Variants in ERC2 observed in about 807,000 individuals in gnomAD.
ERC2 encodes the protein ELKS/RAB6-interacting/CAST family member 2.
Under a neutral mutation model 114.8 loss-of-function variants are expected in ERC2, and 42 were observed. The ratio of observed to expected loss-of-function variants is 0.37; its 90% CI spans 0.29 to 0.47. The LOEUF is 0.47. Among genes scored for constraint, ERC2 ranks in the 20% least tolerant of loss-of-function variants. The pLI is 0.99. For synonymous variants in ERC2, 454 were observed against 425.5 expected (o/e 1.07, Z -0.82); for missense variants, 939 against 1,150.7 (o/e 0.82, Z 2.66).
At chr3:56,287,305 GA>G (rs2054786311) in intron 3 of ERC2, among the ~76,000 whole-genome samples, 1 of 152,192 alleles carries the variant, frequency 6.6e-6, no homozygotes, top group Non-Finnish European at 1.5e-5. Flanking sequence ...AGATATTCAA[GA>G]AGTTAAAAAA....
chr3:55,999,767 A>C (rs2071885790), intron 10 of ERC2, among the ~76,000 whole-genome samples: 1 of 151,698 alleles, frequency 6.6e-6, no homozygotes, highest in African/African-American at 2.4e-5. Flanking sequence ...TTATGAATGG[A>C]AAGAAATAAT....
chr3:55,821,154 G>A (rs2060107095), intron 14 of ERC2, among the ~76,000 whole-genome samples: 2 of 152,174 alleles, frequency 1.3e-5, no homozygotes, highest in South Asian at 4.1e-4. Flanking sequence ...CACATCAACT[G>A]AACAGTGAGA....
chr3:55,699,328 A>G, intron 16 of ERC2, 50 bp downstream of exon 16: 1 of 1,607,066 alleles, frequency 6.2e-7, no homozygotes, highest in South Asian at 1.1e-5. Context: ...TTATCTTAAA[A>G]TATCTAAAGG....
chr3:56,022,536 T>C (rs1337598510), intron 7 of ERC2, among the ~76,000 whole-genome samples: 1 of 152,188 alleles, frequency 6.6e-6, no homozygotes, highest in African/African-American at 2.4e-5. Flanking sequence ...CTGGAGAGAA[T>C]ATAAAATTCT....
chr3:56,362,816 T>C (rs1284987321), intron 2 of ERC2, among the ~76,000 whole-genome samples: 1 of 152,232 alleles, frequency 6.6e-6, no homozygotes, highest in African/African-American at 2.4e-5. Context: ...CTGGAAACTG[T>C]CCAATAGCTG....
In ERC2 at chr3:56,097,544, A is replaced by G. The variant is rs191819126; in HGVS notation, c.1474-16560T>C. On this transcript the variant is annotated intron_variant, in intron 6 of 17. Coordinates refer to ENST00000288221, the MANE Select transcript of ERC2 (RefSeq NM_015576.3). Reference sequence around the variant, plus strand: ...TTTACTGTGTAAGCATTGAGTCAACAATATTCTATTGTATTACTCTTGAGG... The same window carrying G: ...TTTACTGTGTAAGCATTGAGTCAACGATATTCTATTGTATTACTCTTGAGG... Among the ~76,000 whole-genome samples the G allele has an allele frequency of 7.2e-5, 11 of 152,224 alleles. No homozygotes were observed. The East Asian group carries it at 1.9e-3, about 27-fold the overall frequency.
intron 15 of ERC2, among the ~76,000 whole-genome samples, chr3:55,707,276 C>G (rs1200392516): frequency 1.3e-5 from 2 of 151,898 alleles, no homozygotes; most frequent in Non-Finnish European, 2.9e-5. Flanking sequence ...TCTACAAAAA[C>G]AAAATACAAA....
At chr3:55,583,491 CTCT>C (rs2057401328) in intron 17 of ERC2, among the ~76,000 whole-genome samples, 1 of 53,900 alleles carries the variant, frequency 1.9e-5, no homozygotes, top group Non-Finnish European at 3.6e-5. Context: ...CTCCATCCCT[CTCT>C]CCTTCCCTCC....
chr3:56,240,794 A>T (rs2051272513), intron 3 of ERC2, among the ~76,000 whole-genome samples: 1 of 152,246 alleles, frequency 6.6e-6, no homozygotes. Context: ...GAATAAATGG[A>T]AAAACGAATG....
At chr3:55,765,285 G>A (rs1023822433) in intron 14 of ERC2, among the ~76,000 whole-genome samples, 1 of 152,134 alleles carries the variant, frequency 6.6e-6, no homozygotes, top group Non-Finnish European at 1.5e-5. Context: ...TGAATAAAAG[G>A]AGACTTTTTT....
At chr3:55,636,618 CTG>C (rs993881533) in intron 17 of ERC2, among the ~76,000 whole-genome samples, 4 of 152,180 alleles carry the variant, frequency 2.6e-5, no homozygotes, top group African/African-American at 9.7e-5. Context: ...CAAACTTTTC[CTG>C]TAAGGAGCCA....
At chr3:56,413,169 C>A (rs895268268) in intron 2 of ERC2, among the ~76,000 whole-genome samples, 6 of 152,232 alleles carry the variant, frequency 3.9e-5, no homozygotes, top group Non-Finnish European at 8.8e-5. Flanking sequence ...TCACTCCAAG[C>A]TGCGGACCCG....
At position 55,942,266 on chromosome 3, in the gene ERC2, C is replaced by CTTTTTTTTTTTTTTTTT. The variant is rs56851837; in HGVS notation, c.2403+8142_2403+8158dup. Among the ~76,000 whole-genome samples, 23 of 42,112 alleles carry CTTTTTTTTTTTTTTTTT rather than the reference C, an allele frequency of 5.5e-4. 4 individuals carry two copies. The highest frequency in any genetic ancestry group is 1.6e-3 in the African/African-American group (19 of 11,866). 27.6% of individuals were successfully genotyped at this position (42,112 alleles called of 152,430 possible). On this transcript the variant is annotated intron_variant, in intron 13 of 17. Coordinates refer to ENST00000288221, the MANE Select transcript of ERC2 (RefSeq NM_015576.3). ...TATTAAATGAAGTCTAAGGTCCTTT[C>CTTTTTTTTTTTTTTTTT]TTTTTTTTTTTTTTTTTTTTTTTTT...
intron 14 of ERC2, among the ~76,000 whole-genome samples, chr3:55,820,488 T>C (rs2060081266): frequency 6.6e-6 from 1 of 152,196 alleles, no homozygotes; most frequent in African/African-American, 2.4e-5. Context: ...AGTTATAATA[T>C]TCAAAATTTT....
At chr3:55,718,271 G>C (rs815413) in intron 15 of ERC2, among the ~76,000 whole-genome samples, 85,822 of 151,910 alleles carry the variant, frequency 0.56, 24,539 homozygotes, top group South Asian at 0.7. Flanking sequence ...ATAATATCAA[G>C]AAATTCAATA....
intron 17 of ERC2, among the ~76,000 whole-genome samples, chr3:55,643,128 G>A (rs571565303): frequency 6.6e-6 from 1 of 152,284 alleles, no homozygotes; most frequent in Admixed American, 6.5e-5. Context: ...ACACTGCTTG[G>A]TAGGATCAAA....
intron 13 of ERC2, among the ~76,000 whole-genome samples, chr3:55,950,088 A>T (rs1388708169): frequency 1.3e-5 from 2 of 152,230 alleles, no homozygotes; most frequent in African/African-American, 4.8e-5. Flanking sequence ...TTCTATTCCC[A>T]AAACAATTTA....
At chr3:56,164,825 T>A (rs917108149) in intron 4 of ERC2, among the ~76,000 whole-genome samples, 1 of 152,220 alleles carries the variant, frequency 6.6e-6, no homozygotes, top group East Asian at 1.9e-4. Flanking sequence ...TGGTTTTGAT[T>A]GGCATTTCCC....
At chr3:55,699,970 A>C (rs1386639064) in intron 15 of ERC2, among the ~76,000 whole-genome samples, 1 of 152,222 alleles carries the variant, frequency 6.6e-6, no homozygotes, top group Non-Finnish European at 1.5e-5. Context: ...TCACAAGACA[A>C]GGCAGAAAAA....
Sources: allele counts gnomAD v4.1 joint callset (sites outside exome capture counted in the v4.1 genomes callset), GRCh38; gene constraint gnomAD v4.1.1; transcripts MANE v1.5; gene names NCBI Gene and HGNC (gene_info 2026-07-23, HGNC 2026-07-21).